The following XRCC5 variants were observed in gnomAD, a reference collection of about 807,000 sequenced individuals.
The protein encoded by XRCC5 is DNA repair protein Ku80.
Under a neutral mutation model 95.7 loss-of-function variants are expected in XRCC5, and 12 were observed. The observed-to-expected ratio is 0.13, with a 90% CI of 0.08 to 0.20. The LOEUF is 0.20. XRCC5 is among the 10% of genes least tolerant of loss of function. The pLI, the probability that XRCC5 is intolerant of heterozygous loss-of-function variation, is 1.00. For synonymous variants in XRCC5, 281 were observed against 290.3 expected (o/e 0.97, Z 0.33); for missense variants, 595 against 873.9 (o/e 0.68, Z 4.02).
intron 6 of XRCC5, 26 bp from the exon 7 acceptor site, chr2:216,125,891 T>C (rs1696893125): frequency 6.3e-7 from 1 of 1,582,708 alleles, no homozygotes; most frequent in Non-Finnish European, 8.7e-7. Flanking sequence ...AATTGTTGCT[T>C]TCATTTTATA....
intron 20 of XRCC5, 23 bp from the exon 21 acceptor site, chr2:216,205,165 A>C: frequency 6.2e-7 from 1 of 1,613,822 alleles, no homozygotes; most frequent in Non-Finnish European, 8.5e-7. Flanking sequence ...ATTCCTTTCT[A>C]AGTGTGTTGT....
intron 19 of XRCC5, among the ~76,000 whole-genome samples, chr2:216,196,863 G>A (rs773392621): frequency 6.6e-6 from 1 of 152,144 alleles, no homozygotes; most frequent in Non-Finnish European, 1.5e-5. Flanking sequence ...GCCCAGCCAA[G>A]TTGACACATA....
chr2:216,127,843 G>T, intron 8 of XRCC5, 169 bp downstream of exon 8: 1 of 639,808 alleles, frequency 1.6e-6, no homozygotes. Flanking sequence ...CATTTGTTGG[G>T]TCTTAGGCAG....
intron 9 of XRCC5, 63 bp from the exon 10 acceptor site, chr2:216,132,262 G>A (rs924945960): frequency 2.0e-6 from 3 of 1,484,008 alleles, no homozygotes; most frequent in African/African-American, 1.4e-5. Context: ...TCTTGGCAAT[G>A]TGTGTCATGG....
At chr2:216,202,224 G>A (rs966725063) in intron 19 of XRCC5, among the ~76,000 whole-genome samples, 1 of 152,118 alleles carries the variant, frequency 6.6e-6, no homozygotes, top group Non-Finnish European at 1.5e-5. Flanking sequence ...GAGATTTATG[G>A]CAGGATGCAG....
intron 4 of XRCC5, 147 bp downstream of exon 4, chr2:216,117,941 G>A: frequency 2.5e-6 from 2 of 791,068 alleles, no homozygotes; most frequent in Non-Finnish European, 4.1e-6. Flanking sequence ...GAATGGTTCA[G>A]TCCAACCTCT....
intron 20 of XRCC5, among the ~76,000 whole-genome samples, chr2:216,204,765 A>G (rs1355344399): frequency 6.6e-6 from 1 of 152,266 alleles, no homozygotes; most frequent in East Asian, 1.9e-4. Context: ...CAAATGAAAC[A>G]GCCCTTAAAA....
intron 9 of XRCC5, chr2:216,131,329 A>C (rs1475405033): frequency 1.1e-6 from 1 of 938,354 alleles, no homozygotes; most frequent in Non-Finnish European, 1.3e-6. Context: ...AAGTGCTCAT[A>C]ATGTCTCAAC....
At chr2:216,174,922 C>G (rs543635569) in intron 16 of XRCC5, 2 of 350,046 alleles carry the variant, frequency 5.7e-6, no homozygotes, top group South Asian at 2.8e-5. Flanking sequence ...ATATCCGTCA[C>G]GTCTACCGCC....
intron 11 of XRCC5, 89 bp downstream of exon 11, chr2:216,137,314 C>A: frequency 7.2e-7 from 1 of 1,396,758 alleles, no homozygotes; most frequent in Non-Finnish European, 9.5e-7. Context: ...ATGACAATTA[C>A]TTGGGGATCT....
At chr2:216,179,747 A>C (rs1443609439) in intron 16 of XRCC5, among the ~76,000 whole-genome samples, 1 of 152,204 alleles carries the variant, frequency 6.6e-6, no homozygotes, top group Non-Finnish European at 1.5e-5. Flanking sequence ...TGGCTGGGGT[A>C]CATATCACAT....
Position 216,125,935 on chromosome 2 carries a change from G to T in XRCC5, c.702G>T (p.Leu234=). Residue 234 remains leucine, a synonymous_variant, in exon 7 of 21, where the codon CTG becomes CTT. Coordinates refer to ENST00000392132, the MANE Select transcript of XRCC5 (RefSeq NM_021141.4). The part of the protein sequence containing the change: ...IYSFSESLRK[L]CVFKKIERHS... ...TATTAAGTGAGAGTCTGAGAAAACTGTGCGTCTTCAAGAAAATTGAGAGGC... is the reference window on the plus strand; with the variant it reads ...TATTAAGTGAGAGTCTGAGAAAACTTTGCGTCTTCAAGAAAATTGAGAGGC... 6.2e-7 allele frequency: 1 copy of T among 1,613,690 alleles called. No individual in the cohort carries two copies. The highest frequency in any genetic ancestry group is 1.1e-5 in the South Asian group (1 of 91,058).
At chr2:216,195,885 C>T (rs1051288070) in intron 19 of XRCC5, among the ~76,000 whole-genome samples, 6 of 152,166 alleles carry the variant, frequency 3.9e-5, no homozygotes, top group African/African-American at 1.2e-4. Context: ...TAAGCTTCTG[C>T]GATATGCTAG....
At chr2:216,204,122 A>G (rs1001764601) in intron 19 of XRCC5, 200 bp from the exon 20 acceptor site, 6 of 589,824 alleles carry the variant, frequency 1.0e-5, no homozygotes, top group South Asian at 1.9e-5. Flanking sequence ...AGTATGGACT[A>G]CTTGAACCTC....
chr2:216,168,758 A>G (rs549106055), intron 16 of XRCC5, among the ~76,000 whole-genome samples: 1 of 152,378 alleles, frequency 6.6e-6, no homozygotes, highest in South Asian at 2.1e-4. Context: ...ATAAAGGGTT[A>G]CAGCTTGCAA....
chr2:216,168,732 G>C (rs1023123463), intron 16 of XRCC5, among the ~76,000 whole-genome samples: 12 of 152,270 alleles, frequency 7.9e-5, no homozygotes, highest in Admixed American at 7.8e-4. Context: ...TTTAGAAAAA[G>C]AGAGCTTTAT....
chr2:216,179,311 T>C (rs1480347827), intron 16 of XRCC5, among the ~76,000 whole-genome samples: 1 of 152,186 alleles, frequency 6.6e-6, no homozygotes, highest in African/African-American at 2.4e-5. Context: ...AGGATGTCAG[T>C]CCTATTGGAT....
intron 16 of XRCC5, among the ~76,000 whole-genome samples, chr2:216,187,815 ACACACACTCTCTCTCTCTCTCTCTCT>A (rs1218069398): frequency 2.2e-5 from 2 of 90,300 alleles, no homozygotes; most frequent in East Asian, 8.1e-4. Context: ...ACACACACAC[ACACACACTCTCTCTCTCTCTCTCTCT>A]CTCTCTCTCT....
intron 16 of XRCC5, among the ~76,000 whole-genome samples, chr2:216,167,554 G>T (rs886074594): frequency 7.0e-6 from 1 of 142,168 alleles, no homozygotes; most frequent in Admixed American, 7.4e-5. Flanking sequence ...AATCTCTCTC[G>T]TGTGTGTGTG....
Sources: gnomAD v4.1 joint callset for allele counts (sites outside exome capture counted in the v4.1 genomes callset) on GRCh38, gnomAD v4.1.1 for gene constraint, MANE v1.5 for transcripts, NCBI Gene and HGNC (gene_info 2026-07-23, HGNC 2026-07-21) for gene names.